The following GALNT13 variants were observed in gnomAD, a reference collection of about 807,000 sequenced individuals.
The protein encoded by GALNT13 is UDP-GalNAc:polypeptide N-acetylgalactosaminyltransferase 13.
Under a neutral mutation model 64.2 loss-of-function variants are expected in GALNT13, and 28 were observed. That is an observed-to-expected ratio of 0.44 (90% CI 0.32 to 0.60). The LOEUF is 0.60. Ranked by LOEUF, GALNT13 falls within the 20% of genes least tolerant of loss-of-function variation. GALNT13 has a pLI of 0.05. For synonymous variants in GALNT13, 214 were observed against 224.6 expected, an observed-to-expected ratio of 0.95 and a Z score of 0.42; for missense variants, 577 against 669.8, an observed-to-expected ratio of 0.86 and a Z score of 1.53.
the GALNT13 span, among the ~76,000 whole-genome samples, chr2:153,621,138 C>G: frequency 6.6e-6 from 1 of 151,984 alleles, no homozygotes; most frequent in Non-Finnish European, 1.5e-5. Context: ...CTCTCTCTCC[C>G]TCTGTCTTTT....
At chr2:153,260,976 G>A in the GALNT13 span, among the ~76,000 whole-genome samples, 4 of 151,900 alleles carry the variant, frequency 2.6e-5, no homozygotes, top group East Asian at 7.7e-4. Context: ...GATTAGTTCT[G>A]ATGTTAAGAG....
chr2:154,300,193 C>G (rs1395949311), intron 8 of GALNT13, among the ~76,000 whole-genome samples: 1 of 150,184 alleles, frequency 6.7e-6, no homozygotes, highest in East Asian at 2.0e-4. Flanking sequence ...ACCTCTGCCT[C>G]CCGAGTTCAA....
At chr2:153,653,218 GAGA>G in the GALNT13 span, among the ~76,000 whole-genome samples, 2 of 152,150 alleles carry the variant, frequency 1.3e-5, no homozygotes, top group Non-Finnish European at 2.9e-5. Context: ...CACATGTGAA[GAGA>G]AGGAGGGGAA....
the GALNT13 span, among the ~76,000 whole-genome samples, chr2:153,241,885 T>C: frequency 6.6e-6 from 1 of 152,166 alleles, no homozygotes; most frequent in South Asian, 2.1e-4. Flanking sequence ...GTAAGCCTGC[T>C]TTTCAAGCCA....
chr2:154,381,962 T>C (rs2105333393), intron 9 of GALNT13, among the ~76,000 whole-genome samples: 1 of 152,214 alleles, frequency 6.6e-6, no homozygotes, highest in African/African-American at 2.4e-5. Context: ...TCAACATTTG[T>C]AAATTACATA....
chr2:153,521,808 T>C, the GALNT13 span, among the ~76,000 whole-genome samples: 2 of 152,184 alleles, frequency 1.3e-5, no homozygotes, highest in East Asian at 3.9e-4. Context: ...CCTTTTCAAA[T>C]TGATCTCTTT....
intron 8 of GALNT13, among the ~76,000 whole-genome samples, chr2:154,295,349 T>TTTATTTATTTATTTAC (rs1692859150): frequency 1.2e-4 from 2 of 17,314 alleles, no homozygotes; most frequent in Non-Finnish European, 1.6e-4. Flanking sequence ...TTCTTTTTAT[T>TTTATTTATTTATTTAC]TTATTTATTT....
At chr2:154,429,288 A>G (rs937986909) in intron 11 of GALNT13, among the ~76,000 whole-genome samples, 1 of 152,236 alleles carries the variant, frequency 6.6e-6, no homozygotes, top group Non-Finnish European at 1.5e-5. Context: ...CTGGAAAAAT[A>G]GTGAAGGGAA....
chr2:153,689,064 G>A, the GALNT13 span, among the ~76,000 whole-genome samples: 17 of 110,620 alleles, frequency 1.5e-4, no homozygotes, highest in African/African-American at 3.6e-4. Context: ...GCTAAACCGC[G>A]TGTGTATGTG....
chr2:154,290,324 G>A (rs1322410810), intron 8 of GALNT13, among the ~76,000 whole-genome samples: 3 of 152,220 alleles, frequency 2.0e-5, no homozygotes, highest in Non-Finnish European at 4.4e-5. Context: ...TTTAATGAGA[G>A]ATTGCAGAAA....
At chr2:154,024,788 G>C (rs1035269148) in intron 3 of GALNT13, among the ~76,000 whole-genome samples, 5 of 152,098 alleles carry the variant, frequency 3.3e-5, no homozygotes, top group Admixed American at 1.3e-4. Context: ...AGAGTTTCCA[G>C]TTTTTCTGCT....
the GALNT13 span, among the ~76,000 whole-genome samples, chr2:153,284,439 G>T: frequency 6.6e-6 from 1 of 152,138 alleles, no homozygotes; most frequent in African/African-American, 2.4e-5. Context: ...CCATGTTGCT[G>T]GGTCACTAAA....
At chr2:153,517,706 A>T in the GALNT13 span, among the ~76,000 whole-genome samples, 1 of 152,196 alleles carries the variant, frequency 6.6e-6, no homozygotes, top group African/African-American at 2.4e-5. Context: ...GTAGAAGGAA[A>T]AGGGAAATAG....
At chr2:153,904,687 GA>G (rs1487317168) in intron 2 of GALNT13, among the ~76,000 whole-genome samples, 1 of 151,704 alleles carries the variant, frequency 6.6e-6, no homozygotes, top group Non-Finnish European at 1.5e-5. Context: ...ACTAGATTAA[GA>G]GCCTCCCATC....
At chr2:153,526,879 G>GAGCTGA in the GALNT13 span, among the ~76,000 whole-genome samples, 4 of 152,018 alleles carry the variant, frequency 2.6e-5, no homozygotes, top group Non-Finnish European at 4.4e-5. Flanking sequence ...AGAAGTTCTG[G>GAGCTGA]AGCTGAAAAA....
intron 3 of GALNT13, among the ~76,000 whole-genome samples, chr2:153,956,979 G>A (rs943791212): frequency 1.3e-5 from 2 of 152,008 alleles, no homozygotes; most frequent in African/African-American, 4.8e-5. Flanking sequence ...CCATTTTAAA[G>A]CCTATATCAG....
chr2:154,166,787 T>C (rs1012730621), intron 4 of GALNT13, among the ~76,000 whole-genome samples: 7 of 152,170 alleles, frequency 4.6e-5, no homozygotes, highest in Non-Finnish European at 1.0e-4. Context: ...CCATGGAATA[T>C]TATGCAGCCA....
chr2:153,182,473 C>T, the GALNT13 span, among the ~76,000 whole-genome samples: 1 of 152,072 alleles, frequency 6.6e-6, no homozygotes, highest in East Asian at 1.9e-4. Flanking sequence ...TTCAGGGGTA[C>T]ATTTGTAGGA....
the GALNT13 span, among the ~76,000 whole-genome samples, chr2:153,154,310 C>T: frequency 8.5e-5 from 13 of 152,162 alleles, no homozygotes; most frequent in African/African-American, 2.9e-4. Flanking sequence ...CCTGCCACCA[C>T]GTAAGACGTG....
Sources: allele counts gnomAD v4.1 joint callset (sites outside exome capture counted in the v4.1 genomes callset), GRCh38; gene constraint gnomAD v4.1.1; transcripts MANE v1.5; gene names NCBI Gene and HGNC (gene_info 2026-07-23, HGNC 2026-07-21).